RAMP3: variants seen among roughly 807,000 people sequenced by gnomAD.
The protein encoded by RAMP3 is receptor activity modifying protein 3.
RAMP3 carries 14 observed loss-of-function variants against 13.5 expected under a neutral mutation model. The observed-to-expected ratio is 1.04, with a 90% CI of 0.69 to 1.63. RAMP3 has a LOEUF of 1.63. RAMP3 is among the 40% of genes most tolerant of loss of function. The pLI is 0.00. For missense variants in RAMP3, 200 were observed against 204.8 expected (o/e 0.98, Z 0.14); for synonymous variants, 106 against 88.3 (o/e 1.20, Z -1.12).
At chr7:45,180,797 T>A (rs1012824908) in intron 2 of RAMP3, among the ~76,000 whole-genome samples, 7 of 152,200 alleles carry the variant, frequency 4.6e-5, no homozygotes, top group Non-Finnish European at 1.5e-5. Context: ...CTCCTCTCCT[T>A]CCCATCCTGG....
intron 1 of RAMP3, among the ~76,000 whole-genome samples, chr7:45,176,056 G>T (rs1486324608): frequency 6.6e-6 from 1 of 152,184 alleles, no homozygotes; most frequent in East Asian, 1.9e-4. Context: ...ATTCAGCCAA[G>T]ACTTATTGAG....
chr7:45,183,788 T>C lies in RAMP3; in HGVS notation c.*376T>C. 3.8e-6 allele frequency: 2 copies of C among 524,284 alleles called. No homozygotes were observed. The highest frequency in any genetic ancestry group is 5.8e-5 in the East Asian group (2 of 34,300). The allele number at this position is 524,284 out of a possible 1,614,324, so 32.5% of individuals were successfully genotyped here. A position where few individuals can be genotyped will look rare whatever the true frequency, so the allele number is the denominator to read the frequency against. On this transcript the variant is annotated 3_prime_UTR_variant, in exon 3 of 3. Coordinates refer to ENST00000242249, the MANE Select transcript of RAMP3 (RefSeq NM_005856.3). ...ATCCAGCCTAGCCTTAGCCGCAGTC[T>C]AGGCCCTGCTTGGACTAGGACTCCT... is the stretch of plus-strand genomic sequence containing the variant.
intron 2 of RAMP3, among the ~76,000 whole-genome samples, chr7:45,180,269 A>T (rs912459197): frequency 6.6e-6 from 1 of 152,210 alleles, no homozygotes; most frequent in Non-Finnish European, 1.5e-5. Context: ...GGTGGAGGGC[A>T]CTTGATGCTT....
chr7:45,177,149 G>A (rs767911555), intron 1 of RAMP3, among the ~76,000 whole-genome samples, 160 bp from the exon 2 acceptor site: 8 of 152,260 alleles, frequency 5.3e-5, no homozygotes, highest in African/African-American at 7.2e-5. Context: ...GCACTGACAG[G>A]TAGGTCAGGG....
chr7:45,180,302 C>T (rs1294930), intron 2 of RAMP3, among the ~76,000 whole-genome samples: 63,344 of 152,128 alleles, frequency 0.42, 14,292 homozygotes, highest in Admixed American at 0.51. Flanking sequence ...GACTGCCTGC[C>T]CATGCCCTGC....
chr7:45,180,484 G>C (rs2128658724), intron 2 of RAMP3, among the ~76,000 whole-genome samples: 1 of 152,332 alleles, frequency 6.6e-6, no homozygotes, highest in East Asian at 1.9e-4. Flanking sequence ...AGTCATGGCT[G>C]GGAAGACCCT....
chr7:45,175,033 C>A (rs1318544090), intron 1 of RAMP3, among the ~76,000 whole-genome samples: 1 of 152,186 alleles, frequency 6.6e-6, no homozygotes, highest in Non-Finnish European at 1.5e-5. Context: ...AGGGATGGGA[C>A]AGACACAGAA....
At chr7:45,170,780 G>A (rs1378828697) in intron 1 of RAMP3, among the ~76,000 whole-genome samples, 1 of 151,958 alleles carries the variant, frequency 6.6e-6, no homozygotes, top group African/African-American at 2.4e-5. Flanking sequence ...CTGTTGGCTG[G>A]GACTGCAGGT....
chr7:45,171,835 T>C (rs1268410353), intron 1 of RAMP3, among the ~76,000 whole-genome samples: 1 of 152,230 alleles, frequency 6.6e-6, no homozygotes, highest in Non-Finnish European at 1.5e-5. Flanking sequence ...AGTCAATCCC[T>C]TCTGCAACAG....
chr7:45,180,067 G>T (rs1341942518), intron 2 of RAMP3, among the ~76,000 whole-genome samples: 1 of 152,250 alleles, frequency 6.6e-6, no homozygotes, highest in Non-Finnish European at 1.5e-5. Context: ...ACTGTCAGAC[G>T]TGTGGCACCT....
chr7:45,158,379 G>A (rs560071503), intron 1 of RAMP3, among the ~76,000 whole-genome samples: 24 of 152,320 alleles, frequency 1.6e-4, no homozygotes, highest in South Asian at 4.1e-4. Flanking sequence ...TCAGTGTGTG[G>A]ACGCCTGTGT....
intron 2 of RAMP3, among the ~76,000 whole-genome samples, chr7:45,178,816 G>A (rs758216390): frequency 5.9e-5 from 9 of 152,238 alleles, no homozygotes; most frequent in Non-Finnish European, 1.0e-4. Context: ...GCCGTGGATT[G>A]GGAGGACAGG....
chr7:45,183,117 G>A, intron 2 of RAMP3, 40 bp from the exon 3 acceptor site: 2 of 1,600,446 alleles, frequency 1.2e-6, no homozygotes, highest in Non-Finnish European at 1.7e-6. Context: ...TGTGAGGGGG[G>A]ATGGCGAGAG....
In RAMP3 at chr7:45,172,813, T is replaced by C. The variant is rs530943448; in HGVS notation, c.59-4496T>C. Among the ~76,000 whole-genome samples the C allele has an allele frequency of 6.6e-4, 100 of 152,328 alleles. 1 individual carries two copies. In the Middle Eastern group the frequency reaches 0.02, roughly 31 times the overall value. On this transcript the variant is annotated intron_variant, in intron 1 of 2. Coordinates refer to ENST00000242249, the MANE Select transcript of RAMP3 (RefSeq NM_005856.3). The stretch of plus-strand genomic sequence containing the variant: ...CCTTCTGAGAGGGTTTGGGTTTATT[T>C]GCTCCTGCGGGGGCCTGTCCATGAT...
At chr7:45,167,413 C>A (rs891764792) in intron 1 of RAMP3, among the ~76,000 whole-genome samples, 1 of 152,124 alleles carries the variant, frequency 6.6e-6, no homozygotes, top group Non-Finnish European at 1.5e-5. Flanking sequence ...ATCAATTTAT[C>A]ATAAGTGTGA....
At position 45,175,296 on chromosome 7, in the gene RAMP3, C is replaced by T. The variant is rs1161339960; in HGVS notation, c.59-2013C>T. Reference sequence around the variant, plus strand: ...CAGGGGCCATGGTGGTGACTTCACCCAGCCTGTGTCCTTGCCATCTGCTTA... The same window carrying T: ...CAGGGGCCATGGTGGTGACTTCACCTAGCCTGTGTCCTTGCCATCTGCTTA... On this transcript the variant is annotated intron_variant, in intron 1 of 2. Transcript: ENST00000242249. 2.6e-5 allele frequency among the ~76,000 whole-genome samples: 4 copies of T among 152,174 alleles called. No homozygotes were observed. The South Asian group carries it at 8.3e-4, about 32-fold the overall frequency.
intron 1 of RAMP3, among the ~76,000 whole-genome samples, chr7:45,162,249 G>A (rs1785880211): frequency 6.6e-6 from 1 of 152,196 alleles, no homozygotes; most frequent in Non-Finnish European, 1.5e-5. Flanking sequence ...GAGGCATGAT[G>A]TTTTTCAGGC....
Position 45,167,581 on chromosome 7 carries a change from G to C in RAMP3, c.58+9695G>C, listed in dbSNP as rs1260413953. Reference sequence around the variant, plus strand: ...TTCTTTTTTTTTTTTTTTTATTTTTGAGACGGAGTTTCATTCTTGTTGCCC... The same window carrying C: ...TTCTTTTTTTTTTTTTTTTATTTTTCAGACGGAGTTTCATTCTTGTTGCCC... On this transcript the variant is annotated intron_variant, in intron 1 of 2. Coordinates refer to ENST00000242249, the MANE Select transcript of RAMP3 (RefSeq NM_005856.3). Among the ~76,000 whole-genome samples the C allele has an allele frequency of 2.9e-5, 4 of 135,830 alleles. No homozygotes were observed. The South Asian group carries it at 9.3e-4, about 32-fold the overall frequency. 89.1% of individuals were successfully genotyped at this position (135,830 alleles called of 152,430 possible). A position where few individuals can be genotyped will look rare whatever the true frequency, so the allele number is the denominator to read the frequency against.
intron 1 of RAMP3, among the ~76,000 whole-genome samples, chr7:45,175,218 C>T (rs979990103): frequency 2.0e-5 from 3 of 152,176 alleles, no homozygotes; most frequent in African/African-American, 7.2e-5. Flanking sequence ...TGCAGAGTGG[C>T]CAGAAGGCCC....
Sources: allele counts gnomAD v4.1 joint callset (sites outside exome capture counted in the v4.1 genomes callset), GRCh38; gene constraint gnomAD v4.1.1; transcripts MANE v1.5; gene names NCBI Gene and HGNC (gene_info 2026-07-23, HGNC 2026-07-21).